ENAH: variants seen among roughly 807,000 people sequenced by gnomAD.
ENAH encodes protein enabled homolog.
A neutral mutation model predicts 78.7 loss-of-function variants in ENAH; 23 were observed. The observed-to-expected ratio is 0.29, with a 90% CI of 0.21 to 0.41. ENAH has a LOEUF of 0.41. ENAH is among the 10% of genes least tolerant of loss of function. The probability of loss-of-function intolerance (pLI) is 1.00; values close to 1 mark genes in which losing one functional copy is unlikely to be tolerated. For missense variants in ENAH, 544 were observed against 691.0 expected (o/e 0.79, Z 2.39); for synonymous variants, 226 against 241.0 (o/e 0.94, Z 0.58).
intron 1 of ENAH, among the ~76,000 whole-genome samples, chr1:225,637,501 A>G (rs1660274735): frequency 6.6e-6 from 1 of 152,096 alleles, no homozygotes; most frequent in South Asian, 2.1e-4. Flanking sequence ...GCCACCGTGC[A>G]TGGCCTTTTT....
At chr1:225,519,091 G>T in intron 5 of ENAH, 107 bp downstream of exon 5, 2 of 1,478,324 alleles carry the variant, frequency 1.4e-6, no homozygotes, top group Non-Finnish European at 9.1e-7. Flanking sequence ...AAATTGTATG[G>T]CTTAATCCCA....
At chr1:225,521,141 C>T (rs1282837108) in intron 4 of ENAH, among the ~76,000 whole-genome samples, 1 of 152,080 alleles carries the variant, frequency 6.6e-6, no homozygotes, top group Admixed American at 6.5e-5. Context: ...GATTATTTTG[C>T]TGTCCACAGT....
At chr1:225,637,547 C>T (rs1056219021) in intron 1 of ENAH, among the ~76,000 whole-genome samples, 1 of 151,914 alleles carries the variant, frequency 6.6e-6, no homozygotes. Context: ...GCTGACCACA[C>T]GGGAACCACA....
rs2148543255 is a variant in ENAH, at chr1:225,652,964, C to G, written c.-274G>C. On this transcript the variant is annotated 5_prime_UTR_variant, in exon 1 of 14. Transcript: ENST00000366843. ...CCCAGGCGGCCGCCGCCTCCCACCT[C>G]CTCGTGGTCCTGCTCCTCCTCCCGG... is the stretch of plus-strand genomic sequence containing the variant. The G allele has an allele frequency of 5.6e-6, 2 of 356,930 alleles. No homozygotes were observed. The highest frequency in any genetic ancestry group is 1.0e-5 in the Non-Finnish European group (2 of 199,694). 22.1% of individuals were successfully genotyped at this position (356,930 alleles called of 1,614,324 possible).
chr1:225,544,041 G>A lies in ENAH; in HGVS notation c.349+10865C>T, dbSNP rs551356230. On this transcript the variant is annotated intron_variant, in intron 3 of 13. Transcript: ENST00000366843. ...TTAAGCTGTAAAAATCGTGGAACAGGTTTGGCTGCTGCTGTGTGTTGTGAA... is the reference window on the plus strand; with the variant it reads ...TTAAGCTGTAAAAATCGTGGAACAGATTTGGCTGCTGCTGTGTGTTGTGAA... 7.2e-4 allele frequency among the ~76,000 whole-genome samples: 110 copies of A among 152,312 alleles called. 1 individual carries two copies. Among genetic ancestry groups the A allele is most frequent in the African/African-American group, 2.5e-3 (103 of 41,568 alleles).
intron 1 of ENAH, among the ~76,000 whole-genome samples, chr1:225,595,173 A>C (rs1462982098): frequency 6.6e-6 from 1 of 152,126 alleles, no homozygotes; most frequent in Non-Finnish European, 1.5e-5. Flanking sequence ...GCTCTACTAA[A>C]AATACAAAAA....
chr1:225,582,901 A>G (rs1241184904), intron 1 of ENAH, among the ~76,000 whole-genome samples: 1 of 152,172 alleles, frequency 6.6e-6, no homozygotes, highest in Non-Finnish European at 1.5e-5. Context: ...AAAAACAACC[A>G]CAAGTAGGTA....
At chr1:225,559,482 T>C (rs2096688230) in intron 2 of ENAH, among the ~76,000 whole-genome samples, 1 of 152,222 alleles carries the variant, frequency 6.6e-6, no homozygotes, top group Admixed American at 6.5e-5. Context: ...TTCCATCAGT[T>C]ACTAACAGAA....
At chr1:225,510,392 T>C (rs1179513524) in intron 10 of ENAH, among the ~76,000 whole-genome samples, 1 of 152,178 alleles carries the variant, frequency 6.6e-6, no homozygotes, top group Non-Finnish European at 1.5e-5. Flanking sequence ...CATCATATTC[T>C]AAAGGTTCTG....
chr1:225,541,209 C>T (rs1206119537), intron 3 of ENAH, among the ~76,000 whole-genome samples: 1 of 152,056 alleles, frequency 6.6e-6, no homozygotes, highest in Non-Finnish European at 1.5e-5. Context: ...CCAAGGCGTG[C>T]GGATCACGTG....
At chr1:225,517,363 G>A (rs182014303) in intron 5 of ENAH, 57 bp from the exon 6 acceptor site, 2 of 1,551,646 alleles carry the variant, frequency 1.3e-6, no homozygotes, top group African/African-American at 2.7e-5. Context: ...GGCAATAGGG[G>A]TGCTTGGAGG....
intron 1 of ENAH, among the ~76,000 whole-genome samples, chr1:225,588,497 A>G (rs902620467): frequency 1.3e-5 from 2 of 152,226 alleles, no homozygotes; most frequent in Admixed American, 6.5e-5. Context: ...AGAGTATAAA[A>G]TGGTTCAACA....
At chr1:225,527,808 T>C (rs2096517155) in intron 4 of ENAH, among the ~76,000 whole-genome samples, 1 of 152,142 alleles carries the variant, frequency 6.6e-6, no homozygotes, top group Non-Finnish European at 1.5e-5. Flanking sequence ...AAACTCCTAC[T>C]TTATTGCCTC....
At chr1:225,652,436 G>A (rs1259308739) in intron 1 of ENAH, 1 of 983,716 alleles carries the variant, frequency 1.0e-6, no homozygotes, top group Admixed American at 6.2e-5. Flanking sequence ...GGGAAATCCT[G>A]GGTGAAAGAA....
chr1:225,539,941 C>A (rs1206850047), intron 3 of ENAH, among the ~76,000 whole-genome samples: 2 of 152,180 alleles, frequency 1.3e-5, no homozygotes, highest in African/African-American at 2.4e-5. Context: ...TGGAATCTCA[C>A]TTCCTACTTC....
At chr1:225,500,067 G>A (rs909179065) in intron 12 of ENAH, among the ~76,000 whole-genome samples, 4 of 152,098 alleles carry the variant, frequency 2.6e-5, no homozygotes, top group African/African-American at 9.7e-5. Flanking sequence ...TGAAGCGTGT[G>A]GAAGTGCTCT....
intron 12 of ENAH, among the ~76,000 whole-genome samples, chr1:225,500,124 C>T (rs1246088514): frequency 6.6e-6 from 1 of 152,136 alleles, no homozygotes; most frequent in Non-Finnish European, 1.5e-5. Context: ...CACGGCAAAA[C>T]AAGGCTTGAT....
Position 225,565,224 on chromosome 1 carries a change from C to T in ENAH, c.171+2025G>A, listed in dbSNP as rs187001616. ...GCTGAGGCAGGTGGATCACCTGAGG[C>T]CAGGAGTTCAAAACCAGCCTGACCA... On this transcript the variant is annotated intron_variant, in intron 2 of 13. Transcript: ENST00000366843. 1.7e-3 allele frequency among the ~76,000 whole-genome samples: 257 copies of T among 152,130 alleles called. 1 individual carries two copies. The highest frequency in any genetic ancestry group is 5.8e-3 in the African/African-American group (241 of 41,504).
intron 4 of ENAH, among the ~76,000 whole-genome samples, chr1:225,520,931 AG>A (rs1558748469): frequency 0.17 from 94 of 542 alleles, 1 homozygote; most frequent in Middle Eastern, 0.5. Context: ...GAAGGGAGGG[AG>A]GGAGGGAGGG....
Sources: gnomAD v4.1 joint callset for allele counts (sites outside exome capture counted in the v4.1 genomes callset) on GRCh38, gnomAD v4.1.1 for gene constraint, MANE v1.5 for transcripts, NCBI Gene and HGNC (gene_info 2026-07-23, HGNC 2026-07-21) for gene names.